Variants in CYFIP2 observed in about 807,000 individuals in gnomAD.
CYFIP2 encodes the protein cytoplasmic FMR1 interacting protein 2, also known as cytoplasmic FMR1-interacting protein 2.
CYFIP2 carries 29 observed loss-of-function variants against 158.7 expected under a neutral mutation model. That is an observed-to-expected ratio of 0.18 (90% CI 0.14 to 0.25). The LOEUF (loss-of-function observed/expected upper bound fraction) is 0.25, where lower values mean the gene tolerates loss of function less well. CYFIP2 is among the 10% of genes least tolerant of loss of function. CYFIP2 has a pLI of 1.00. For synonymous variants in CYFIP2, 585 were observed against 617.6 expected (o/e 0.95, Z 0.78); for missense variants, 852 against 1,639.5 (o/e 0.52, Z 8.29).
intron 21 of CYFIP2, among the ~76,000 whole-genome samples, chr5:157,338,269 C>G (rs778864885): frequency 6.6e-5 from 10 of 152,242 alleles, no homozygotes; most frequent in Non-Finnish European, 1.2e-4. Flanking sequence ...AGATCCCGGT[C>G]ATCATGAGCT....
Position 157,330,860 on chromosome 5 carries a change from G to A in CYFIP2, c.2265+10G>A. 1 of 1,606,926 alleles carries A rather than the reference G, an allele frequency of 6.2e-7. No homozygotes were observed. The highest frequency in any genetic ancestry group is 1.1e-5 in the South Asian group (1 of 90,948). Reference sequence around the variant, plus strand: ...GCAGAGACACGTCCAGGTATGGGGAGCAGAAGCCACCTTGGAGATGGAAGG... The same window carrying A: ...GCAGAGACACGTCCAGGTATGGGGAACAGAAGCCACCTTGGAGATGGAAGG... On this transcript the variant is annotated intron_variant, in intron 20 of 30. Coordinates refer to ENST00000620254, the MANE Select transcript of CYFIP2 (RefSeq NM_001037333.3).
intron 23 of CYFIP2, among the ~76,000 whole-genome samples, chr5:157,354,786 C>T (rs559749427): frequency 1.1e-4 from 17 of 152,050 alleles, no homozygotes; most frequent in Non-Finnish European, 2.2e-4. Flanking sequence ...AAAATCCTTA[C>T]GTGGTAAAAC....
intron 20 of CYFIP2, among the ~76,000 whole-genome samples, chr5:157,333,034 G>A (rs1432949925): frequency 6.6e-6 from 1 of 152,164 alleles, no homozygotes; most frequent in Non-Finnish European, 1.5e-5. Flanking sequence ...GAGGGAAACA[G>A]GGACTCTCAC....
At chr5:157,327,064 C>T (rs1319009968) in intron 18 of CYFIP2, among the ~76,000 whole-genome samples, 2 of 152,110 alleles carry the variant, frequency 1.3e-5, no homozygotes, top group East Asian at 3.8e-4. Flanking sequence ...CTGCCTTTGC[C>T]CCATCTCATG....
chr5:157,314,271 G>A, intron 11 of CYFIP2, 73 bp from the exon 12 acceptor site: 4 of 1,552,946 alleles, frequency 2.6e-6, no homozygotes, highest in Non-Finnish European at 8.7e-7. Flanking sequence ...CAGTGTTCTT[G>A]GGGGAATCAA....
At chr5:157,384,178 G>T (rs1284238923) in intron 28 of CYFIP2, 1 of 412,022 alleles carries the variant, frequency 2.4e-6, no homozygotes, top group East Asian at 7.2e-5. Context: ...TACGAGTCAC[G>T]ATGAACATCA....
Position 157,389,175 on chromosome 5 carries a change from CCTT to C in CYFIP2, c.3208-11_3208-9del, listed in dbSNP as rs1767006954. 1 of 1,596,834 alleles carries C rather than the reference CCTT, an allele frequency of 6.3e-7. No homozygotes were observed. The highest frequency in any genetic ancestry group is 8.6e-7 in the Non-Finnish European group (1 of 1,169,562). On this transcript the variant is annotated splice_polypyrimidine_tract_variant and intron_variant, in intron 28 of 30. Coordinates refer to ENST00000620254, the MANE Select transcript of CYFIP2 (RefSeq NM_001037333.3). The stretch of plus-strand genomic sequence containing the variant: ...AGATGTGGATAGAAGGTGTATGTGC[CCTT>C]CTGTTTCCAGCAAATCGCCATTGCT...
intron 3 of CYFIP2, among the ~76,000 whole-genome samples, chr5:157,294,475 G>A (rs557463613): frequency 6.6e-6 from 1 of 152,228 alleles, no homozygotes; most frequent in African/African-American, 2.4e-5. Context: ...ATTATATCTG[G>A]GGGGCACATA....
chr5:157,299,418 C>CTCTTTTCCCTCCTCTTTCAGCT (rs1241002806), intron 5 of CYFIP2, among the ~76,000 whole-genome samples: 3 of 152,216 alleles, frequency 2.0e-5, no homozygotes, highest in Admixed American at 1.3e-4. Flanking sequence ...CCCCATAAGC[C>CTCTTTTCCCTCCTCTTTCAGCT]TCTTTTCCCT....
intron 1 of CYFIP2, among the ~76,000 whole-genome samples, chr5:157,268,287 A>G (rs1755782677): frequency 6.6e-6 from 1 of 152,198 alleles, no homozygotes. Flanking sequence ...GAAAAAGGAA[A>G]AACTTGCTTT....
At chr5:157,350,313 G>A (rs978045692) in intron 23 of CYFIP2, among the ~76,000 whole-genome samples, 10 of 152,182 alleles carry the variant, frequency 6.6e-5, no homozygotes, top group African/African-American at 2.4e-4. Context: ...GGTGAGAGAT[G>A]AGGATCCAGT....
At chr5:157,320,531 T>C in intron 14 of CYFIP2, 124 bp from the exon 15 acceptor site, 1 of 1,290,638 alleles carries the variant, frequency 7.7e-7, no homozygotes, top group Non-Finnish European at 1.1e-6. Context: ...GAGCATGCTT[T>C]ACAAGCACCC....
At position 157,309,782 on chromosome 5, in the gene CYFIP2, G is replaced by C; in HGVS notation, c.940G>C (p.Glu314Gln). Residue 314 changes from glutamate (E) to glutamine (Q), a missense_variant, in exon 10 of 31, where the codon GAG (glutamate) becomes CAG (glutamine). Physicochemically the swap from Glu to Gln is conservative, Grantham distance 29. This residue lies in a region of CYFIP2 where 133 missense variants were observed against 197.1 expected (regional missense o/e 0.67). Coordinates refer to ENST00000620254, the MANE Select transcript of CYFIP2 (RefSeq NM_001037333.3). ...VVPLFGDMQIELARYIKTSAH... is the reference protein window; with the variant it reads ...VVPLFGDMQIQLARYIKTSAH... ...GCCCCTTTTCGGCGACATGCAGATA[G>C]AGCTGGCCAGATACATTAAGACCAG... is the stretch of plus-strand genomic sequence containing the variant. 1 of 1,608,012 alleles carries C rather than the reference G, an allele frequency of 6.2e-7. No homozygotes were observed. Among genetic ancestry groups the C allele is most frequent in the Non-Finnish European group, 8.5e-7 (1 of 1,177,384 alleles).
chr5:157,272,991 C>T (rs565670683), intron 1 of CYFIP2, among the ~76,000 whole-genome samples: 9 of 152,076 alleles, frequency 5.9e-5, no homozygotes, highest in Admixed American at 1.3e-4. Flanking sequence ...CTCAGCCTCC[C>T]GAGTAGCTGG....
chr5:157,315,207 C>T (rs1236970859), intron 13 of CYFIP2, 113 bp downstream of exon 13: 3 of 1,375,306 alleles, frequency 2.2e-6, no homozygotes, highest in Non-Finnish European at 2.9e-6. Flanking sequence ...TCGTGCTCTT[C>T]CCTGTCCTAC....
intron 13 of CYFIP2, among the ~76,000 whole-genome samples, chr5:157,319,427 T>C (rs1455628782): frequency 6.6e-6 from 1 of 152,234 alleles, no homozygotes; most frequent in African/African-American, 2.4e-5. Context: ...AATGCTCAAA[T>C]TGTGGCCCAT....
intron 2 of CYFIP2, among the ~76,000 whole-genome samples, chr5:157,286,069 C>T (rs1486076323): frequency 6.6e-6 from 1 of 152,088 alleles, no homozygotes. Context: ...CTGTGTTTGA[C>T]CTTTTGATAG....
chr5:157,337,271 A>G (rs1761921713), intron 21 of CYFIP2, among the ~76,000 whole-genome samples: 1 of 152,194 alleles, frequency 6.6e-6, no homozygotes, highest in Admixed American at 6.5e-5. Flanking sequence ...CAATGACTGG[A>G]AACTTATTCC....
chr5:157,340,707 C>T (rs1459604885), intron 22 of CYFIP2, among the ~76,000 whole-genome samples: 1 of 152,216 alleles, frequency 6.6e-6, no homozygotes, highest in Non-Finnish European at 1.5e-5. Flanking sequence ...TATTTGCTGC[C>T]TGGCTCTTTT....
Sources: gnomAD v4.1 joint callset for allele counts (sites outside exome capture counted in the v4.1 genomes callset) on GRCh38, gnomAD v4.1.1 for gene constraint, gnomAD v4.1.1 regional missense constraint, MANE v1.5 for transcripts, NCBI Gene and HGNC (gene_info 2026-07-23, HGNC 2026-07-21) for gene names.